Variants in SHPRH observed in about 807,000 individuals in gnomAD.
The protein encoded by SHPRH is E3 ubiquitin-protein ligase SHPRH.
Under a neutral mutation model 202.5 loss-of-function variants are expected in SHPRH, and 106 were observed. The ratio of observed to expected loss-of-function variants is 0.52; its 90% confidence interval spans 0.45 to 0.62. The LOEUF is 0.62. SHPRH is among the 20% of genes least tolerant of loss of function. The pLI is 0.00. For missense variants in SHPRH, 1,710 were observed against 2,020.0 expected (o/e 0.85, Z 2.94); for synonymous variants, 729 against 686.0 (o/e 1.06, Z -0.98).
chr6:145,913,594 T>C (rs1198815756), intron 23 of SHPRH, 45 bp from the exon 24 acceptor site: 3 of 1,507,214 alleles, frequency 2.0e-6, no homozygotes, highest in Middle Eastern at 2.1e-4. Context: ...CGTTTTTACA[T>C]ATAAAACCTG....
intron 2 of SHPRH, among the ~76,000 whole-genome samples, chr6:145,878,196 T>G (rs985952856): frequency 2.0e-5 from 3 of 152,232 alleles, no homozygotes; most frequent in Non-Finnish European, 2.9e-5. Context: ...GAGCAGAAAG[T>G]ACACAGAGTT....
intron 2 of SHPRH, among the ~76,000 whole-genome samples, 157 bp downstream of exon 2, chr6:145,954,533 A>C (rs1180888626): frequency 6.6e-6 from 1 of 152,128 alleles, no homozygotes; most frequent in Non-Finnish European, 1.5e-5. Context: ...ATTAGTTGTA[A>C]CATACTTTGA....
intron 14 of SHPRH, among the ~76,000 whole-genome samples, chr6:145,932,395 G>A (rs1346696591): frequency 2.6e-5 from 4 of 152,236 alleles, no homozygotes; most frequent in South Asian, 4.2e-4. Flanking sequence ...AAAGTGATCC[G>A]TGAGAGATGG....
intron 10 of SHPRH, 24 bp from the exon 11 acceptor site, chr6:145,940,825 A>G: frequency 6.2e-7 from 1 of 1,611,968 alleles, no homozygotes; most frequent in South Asian, 1.1e-5. Flanking sequence ...AAAATGAAAT[A>G]AAAATGAAAT....
chr6:145,863,284 G>T (rs1008987722), downstream of SHPRH, among the ~76,000 whole-genome samples: 1 of 152,188 alleles, frequency 6.6e-6, no homozygotes, highest in African/African-American at 2.4e-5. Flanking sequence ...GATTGCCAAT[G>T]ATTTGATTTA....
At position 145,910,614 on chromosome 6, in the gene SHPRH, T is replaced by A; in HGVS notation, c.4349A>T (p.His1450Leu). 2 of 1,612,782 alleles carry A rather than the reference T, an allele frequency of 1.2e-6. No individual in the cohort carries two copies. Among genetic ancestry groups the A allele is most frequent in the Non-Finnish European group, 1.7e-6 (2 of 1,179,368 alleles). ...AGAAATGCATTCATTACAGAAACAGTGACCACAGGTCAGTACCGCCCACTA... is the reference window on the plus strand; with the variant it reads ...AGAAATGCATTCATTACAGAAACAGAGACCACAGGTCAGTACCGCCCACTA... ...GKQWAVLTCG[H>L]CFCNECISII... The change falls in exon 25 of 30, where the codon CAC becomes CTC. Residue 1450 changes from histidine to leucine, a missense_variant. By Grantham distance (99) the His-to-Leu change is moderately conservative. Coordinates refer to ENST00000275233, the MANE Select transcript of SHPRH (RefSeq NM_001042683.3).
chr6:145,947,277 C>A (rs1404326492), intron 6 of SHPRH, among the ~76,000 whole-genome samples: 1 of 152,032 alleles, frequency 6.6e-6, no homozygotes, highest in African/African-American at 2.4e-5. Flanking sequence ...CACAAATTCT[C>A]TTCCTAGTTG....
intron 23 of SHPRH, among the ~76,000 whole-genome samples, chr6:145,915,861 T>G (rs1017398747): frequency 5.3e-5 from 8 of 152,046 alleles, no homozygotes; most frequent in Non-Finnish European, 7.4e-5. Flanking sequence ...CTTGAATCTT[T>G]AAGATATTTG....
chr6:145,896,891 G>C (rs1203055561), intron 25 of SHPRH, among the ~76,000 whole-genome samples: 1 of 151,942 alleles, frequency 6.6e-6, no homozygotes, highest in African/African-American at 2.4e-5. Flanking sequence ...TGGGAATTCA[G>C]CAAAAGCAGT....
intron 4 of SHPRH, among the ~76,000 whole-genome samples, chr6:145,949,903 T>C (rs189317190): frequency 6.2e-4 from 94 of 152,240 alleles, no homozygotes; most frequent in African/African-American, 2.1e-3. Flanking sequence ...ACATTCACCA[T>C]TACATTGTGA....
At chr6:145,922,953 T>C (rs1582701723) in intron 18 of SHPRH, 117 bp from the exon 19 acceptor site, 1 of 1,251,626 alleles carries the variant, frequency 8.0e-7, no homozygotes, top group East Asian at 2.7e-5. Flanking sequence ...CTGTTTTTTT[T>C]TTTTTTAACA....
chr6:145,905,352 A>C (rs988224882), intron 25 of SHPRH: 2 of 152,144 alleles, frequency 1.3e-5, no homozygotes, highest in Non-Finnish European at 2.9e-5. Flanking sequence ...CAGGCAGGAT[A>C]AAGAATAACT....
intron 1 of SHPRH, 69 bp downstream of exon 1, chr6:145,963,662 C>T (rs1247599136): frequency 6.6e-6 from 1 of 152,188 alleles, no homozygotes; most frequent in Non-Finnish European, 1.5e-5. Context: ...TACAATGCCG[C>T]GCACAAAGAA....
At chr6:145,918,998 T>C (rs1399215600) in intron 22 of SHPRH, 2 of 167,616 alleles carry the variant, frequency 1.2e-5, no homozygotes, top group African/African-American at 4.8e-5. Context: ...AGGAAGATTT[T>C]TCTAGTTCTG....
At chr6:145,893,172 G>T in intron 28 of SHPRH, 43 bp downstream of exon 28, 1 of 1,455,404 alleles carries the variant, frequency 6.9e-7, no homozygotes, top group Non-Finnish European at 9.1e-7. Context: ...TGGTTTCTCA[G>T]AAAACTGAAG....
At chr6:145,955,786 T>A (rs887016171) in intron 1 of SHPRH, among the ~76,000 whole-genome samples, 1 of 149,614 alleles carries the variant, frequency 6.7e-6, no homozygotes, top group Non-Finnish European at 1.5e-5. Flanking sequence ...GCAAAAAAAA[T>A]GAAAATAAAA....
chr6:145,934,901 T>G lies in SHPRH; in HGVS notation c.2990+6A>C. On this transcript the variant is annotated splice_donor_region_variant and intron_variant, in intron 13 of 29. Coordinates refer to ENST00000275233, the MANE Select transcript of SHPRH (RefSeq NM_001042683.3). ...ACTGCAATTAAAAAAAAGTTGATAA[T>G]AAAACCTTTTTTGGAGTGGCAAGAA... 1.3e-6 allele frequency: 2 copies of G among 1,584,142 alleles called. No homozygotes were observed. Among genetic ancestry groups the G allele is most frequent in the Non-Finnish European group, 8.6e-7 (1 of 1,161,592 alleles).
At chr6:145,905,702 C>T (rs79127621) in intron 25 of SHPRH, 1 of 151,904 alleles carries the variant, frequency 6.6e-6, no homozygotes, top group African/African-American at 2.4e-5. Context: ...TTTCTTTTTC[C>T]AAGTATTTTT....
chr6:145,867,629 T>TAGAGAGAGAGAG (rs1269534768), intron 2 of SHPRH, among the ~76,000 whole-genome samples: 44 of 43,892 alleles, frequency 1.0e-3, no homozygotes, highest in Non-Finnish European at 1.4e-3. Context: ...TATATATATA[T>TAGAGAGAGAGAG]ATAGAGAGAG....
Sources: gnomAD v4.1 joint callset for allele counts (sites outside exome capture counted in the v4.1 genomes callset) on GRCh38, gnomAD v4.1.1 for gene constraint, MANE v1.5 for transcripts, NCBI Gene and HGNC (gene_info 2026-07-23, HGNC 2026-07-21) for gene names.